The following ATAD1 variants were observed in gnomAD, a reference collection of about 807,000 sequenced individuals.
The protein encoded by ATAD1 is ATPase family AAA domain containing 1.
ATAD1 carries 18 observed loss-of-function variants against 42.7 expected under a neutral mutation model. The observed-to-expected ratio is 0.42, with a 90% confidence interval of 0.29 to 0.63. ATAD1 has a LOEUF of 0.63. Ranked by LOEUF, ATAD1 falls within the 20% of genes least tolerant of loss-of-function variation. The pLI is 0.19. For missense variants in ATAD1, 294 were observed against 440.4 expected (o/e 0.67, Z 2.98); for synonymous variants, 132 against 143.1 (o/e 0.92, Z 0.55).
intron 7 of ATAD1, among the ~76,000 whole-genome samples, chr10:87,768,713 G>A (rs1923262): frequency 0.29 from 44,645 of 151,918 alleles, 6,765 homozygotes; most frequent in Non-Finnish European, 0.31. Flanking sequence ...TTACTCACAC[G>A]ACATATTAAA....
At chr10:87,758,604 T>C (rs1767588325) in intron 8 of ATAD1, among the ~76,000 whole-genome samples, 1 of 152,146 alleles carries the variant, frequency 6.6e-6, no homozygotes, top group South Asian at 2.1e-4. Flanking sequence ...ACAGTCTTTG[T>C]GTTACATTTG....
intron 4 of ATAD1, among the ~76,000 whole-genome samples, chr10:87,788,128 T>G (rs1469886146): frequency 1.3e-5 from 2 of 152,228 alleles, no homozygotes; most frequent in African/African-American, 4.8e-5. Flanking sequence ...CATCATGGTG[T>G]GCATTAGCTT....
intron 4 of ATAD1, among the ~76,000 whole-genome samples, chr10:87,786,612 T>C (rs1855846147): frequency 6.6e-6 from 1 of 152,218 alleles, no homozygotes; most frequent in Non-Finnish European, 1.5e-5. Context: ...AATATTCCCT[T>C]CTTGACCTGG....
At chr10:87,779,843 A>G (rs1855485332) in intron 5 of ATAD1, among the ~76,000 whole-genome samples, 1 of 152,258 alleles carries the variant, frequency 6.6e-6, no homozygotes, top group Admixed American at 6.5e-5. Flanking sequence ...GAGAAGATGT[A>G]TACCAATAGG....
chr10:87,768,836 CACTT>C (rs1271057810), intron 7 of ATAD1, among the ~76,000 whole-genome samples: 1 of 152,184 alleles, frequency 6.6e-6, no homozygotes, highest in African/African-American at 2.4e-5. Flanking sequence ...GTAATCCTAA[CACTT>C]TGGGAGGCAA....
intron 6 of ATAD1, among the ~76,000 whole-genome samples, chr10:87,773,707 C>T (rs1014841296): frequency 6.6e-6 from 1 of 152,174 alleles, no homozygotes; most frequent in Non-Finnish European, 1.5e-5. Flanking sequence ...GTACCAGAAT[C>T]ATACTGTGGA....
intron 2 of ATAD1, among the ~76,000 whole-genome samples, chr10:87,806,873 T>C (rs1292263988): frequency 6.6e-6 from 1 of 152,206 alleles, no homozygotes; most frequent in Non-Finnish European, 1.5e-5. Context: ...GAGACAACTT[T>C]AGACACTTAG....
chr10:87,808,088 A>C (rs1857008024), intron 2 of ATAD1, among the ~76,000 whole-genome samples: 1 of 152,186 alleles, frequency 6.6e-6, no homozygotes, highest in Non-Finnish European at 1.5e-5. Flanking sequence ...GGTATACAGA[A>C]ACAGCTGATT....
At chr10:87,771,774 T>C (rs892527109) in intron 6 of ATAD1, among the ~76,000 whole-genome samples, 20 of 152,040 alleles carry the variant, frequency 1.3e-4, no homozygotes, top group African/African-American at 4.6e-4. Flanking sequence ...AAAAGAACTT[T>C]AAAAATAAAC....
chr10:87,759,673 A>T (rs1564738679), intron 8 of ATAD1: 2 of 416,276 alleles, frequency 4.8e-6, no homozygotes, highest in East Asian at 1.4e-4. Flanking sequence ...TCACTGGGGG[A>T]GCAAGATTTA....
intron 2 of ATAD1, among the ~76,000 whole-genome samples, chr10:87,794,246 C>T (rs757984123): frequency 3.9e-5 from 6 of 152,084 alleles, no homozygotes; most frequent in Non-Finnish European, 8.8e-5. Flanking sequence ...TGCTATGAAC[C>T]ACATCACATA....
intron 4 of ATAD1, 70 bp from the exon 5 acceptor site, chr10:87,784,740 A>C (rs1855745914): frequency 7.1e-7 from 1 of 1,400,818 alleles, no homozygotes; most frequent in African/African-American, 1.5e-5. Context: ...AATCAATAGA[A>C]TAGTAATTCC....
At chr10:87,780,827 A>G (rs780064657) in intron 5 of ATAD1, among the ~76,000 whole-genome samples, 5 of 152,190 alleles carry the variant, frequency 3.3e-5, no homozygotes, top group Admixed American at 1.3e-4. Flanking sequence ...GATGCTTGGA[A>G]GGATTAACAC....
intron 7 of ATAD1, among the ~76,000 whole-genome samples, chr10:87,770,490 C>A (rs535339649): frequency 6.6e-6 from 1 of 152,310 alleles, no homozygotes; most frequent in Admixed American, 6.5e-5. Context: ...ACTATGATAT[C>A]TACTGGAATC....
chr10:87,800,648 G>GT (rs1432583760), intron 2 of ATAD1, among the ~76,000 whole-genome samples: 2 of 152,056 alleles, frequency 1.3e-5, no homozygotes, highest in African/African-American at 2.4e-5. Context: ...TAACATTCAT[G>GT]TATCTTTCTA....
chr10:87,825,669 C>T (rs1857714342), intron 1 of ATAD1, among the ~76,000 whole-genome samples: 1 of 151,498 alleles, frequency 6.6e-6, no homozygotes, highest in Non-Finnish European at 1.5e-5. Context: ...TGTTATTCTA[C>T]ATATAAAATT....
chr10:87,837,019 A>T (rs1589580974), intron 1 of ATAD1, among the ~76,000 whole-genome samples: 1 of 152,198 alleles, frequency 6.6e-6, no homozygotes, highest in East Asian at 1.9e-4. Flanking sequence ...CTGAATTTCA[A>T]TTTCATTTTT....
intron 8 of ATAD1, among the ~76,000 whole-genome samples, chr10:87,762,213 T>C (rs1316071091): frequency 7.9e-5 from 12 of 152,192 alleles, no homozygotes; most frequent in Admixed American, 5.9e-4. Context: ...TTCAAAAATG[T>C]TATAAACTTC....
At chr10:87,800,895 A>T (rs1179766701) in intron 2 of ATAD1, among the ~76,000 whole-genome samples, 2 of 152,220 alleles carry the variant, frequency 1.3e-5, no homozygotes, top group East Asian at 3.8e-4. Flanking sequence ...TGAAATTGGA[A>T]GGCCCAATTT....
Sources: allele counts gnomAD v4.1 joint callset (sites outside exome capture counted in the v4.1 genomes callset), GRCh38; gene constraint gnomAD v4.1.1; transcripts MANE v1.5; gene names NCBI Gene and HGNC (gene_info 2026-07-23, HGNC 2026-07-21).